ATG10: variants seen among roughly 807,000 people sequenced by gnomAD.
ATG10 encodes the protein ubiquitin-like-conjugating enzyme ATG10.
ATG10 carries 30 observed loss-of-function variants against 32.1 expected under a neutral mutation model. The ratio of observed to expected loss-of-function variants is 0.94; its 90% CI spans 0.70 to 1.27. The LOEUF (loss-of-function observed/expected upper bound fraction) is 1.27, where lower values mean the gene tolerates loss of function less well. Ranked by LOEUF, ATG10 falls within the 50% of genes most tolerant of loss-of-function variation. The probability of loss-of-function intolerance (pLI) is 0.00; values close to 1 mark genes in which losing one functional copy is unlikely to be tolerated. For synonymous variants in ATG10, 87 were observed against 91.5 expected (o/e 0.95, Z 0.28); for missense variants, 233 against 262.3 (o/e 0.89, Z 0.77).
intron 2 of ATG10, among the ~76,000 whole-genome samples, chr5:82,048,313 T>C (rs1288602767): frequency 2.8e-5 from 4 of 144,112 alleles, no homozygotes; most frequent in Non-Finnish European, 4.5e-5. Context: ...TTGGGCAGTA[T>C]GGCCATTTTC....
intron 5 of ATG10, among the ~76,000 whole-genome samples, chr5:82,190,833 C>T (rs945886490): frequency 2.1e-5 from 3 of 143,796 alleles, no homozygotes; most frequent in African/African-American, 7.7e-5. Flanking sequence ...AAGGTAAGGT[C>T]GTAATTGTTT....
intron 3 of ATG10, among the ~76,000 whole-genome samples, chr5:82,158,753 C>CA (rs1354818361): frequency 6.6e-6 from 1 of 151,982 alleles, no homozygotes; most frequent in Non-Finnish European, 1.5e-5. Context: ...TTAACTAACT[C>CA]AAAGTGTTAC....
chr5:82,189,453 T>C (rs561185339), intron 5 of ATG10, among the ~76,000 whole-genome samples: 15 of 152,234 alleles, frequency 9.9e-5, no homozygotes, highest in African/African-American at 3.6e-4. Context: ...TTAAACCAAT[T>C]CCAAGAGATG....
chr5:82,068,599 G>C (rs1245475945), intron 3 of ATG10, among the ~76,000 whole-genome samples: 1 of 150,090 alleles, frequency 6.7e-6, no homozygotes, highest in Non-Finnish European at 1.5e-5. Context: ...ATAGATTGTT[G>C]GGGGTTTCAA....
chr5:82,173,443 A>G lies in ATG10; in HGVS notation c.356-5047A>G, dbSNP rs553276782. Among the ~76,000 whole-genome samples, 3 of 152,314 alleles carry G rather than the reference A, an allele frequency of 2.0e-5. No individual in the cohort carries two copies. In the South Asian group the frequency reaches 6.2e-4, roughly 32 times the overall value. The stretch of plus-strand genomic sequence containing the variant: ...TTTTTAATTATTCTATTTTTCACCT[A>G]ATGTCTCTTCTTCTTTTGTCATTGA... On this transcript the variant is annotated intron_variant, in intron 4 of 7. Transcript: ENST00000282185.
chr5:82,105,825 CA>C (rs1765431203), intron 3 of ATG10, among the ~76,000 whole-genome samples: 1 of 152,160 alleles, frequency 6.6e-6, no homozygotes, highest in African/African-American at 2.4e-5. Context: ...TAGCTTACTG[CA>C]GTGGCTAAAC....
At chr5:82,114,125 A>T (rs1765703473) in intron 3 of ATG10, among the ~76,000 whole-genome samples, 1 of 151,998 alleles carries the variant, frequency 6.6e-6, no homozygotes, top group Non-Finnish European at 1.5e-5. Flanking sequence ...CAAAGGCTTT[A>T]TGTTGCTTAG....
At chr5:82,201,807 CTTTCA>C (rs1745080589) in intron 5 of ATG10, among the ~76,000 whole-genome samples, 1 of 152,096 alleles carries the variant, frequency 6.6e-6, no homozygotes, top group African/African-American at 2.4e-5. Flanking sequence ...TCTGTGCTTT[CTTTCA>C]TTAGTATGTT....
intron 3 of ATG10, among the ~76,000 whole-genome samples, chr5:82,113,732 ATTTG>A (rs773626442): frequency 4.9e-4 from 75 of 151,980 alleles, no homozygotes; most frequent in Non-Finnish European, 7.5e-4. Context: ...TTTGACTTGT[ATTTG>A]TTTGATTATC....
intron 2 of ATG10, among the ~76,000 whole-genome samples, chr5:82,055,809 T>C (rs1175685511): frequency 6.6e-6 from 1 of 152,204 alleles, no homozygotes; most frequent in Non-Finnish European, 1.5e-5. Flanking sequence ...TCCCATGAGA[T>C]TATAATACTG....
At chr5:82,042,221 T>G (rs1157281728) in intron 2 of ATG10, among the ~76,000 whole-genome samples, 1 of 152,120 alleles carries the variant, frequency 6.6e-6, no homozygotes, top group Admixed American at 6.6e-5. Context: ...GGGGGAAGCA[T>G]GCACATCTTC....
At chr5:82,114,271 TC>T (rs1464063664) in intron 3 of ATG10, among the ~76,000 whole-genome samples, 1 of 152,020 alleles carries the variant, frequency 6.6e-6, no homozygotes, top group Non-Finnish European at 1.5e-5. Flanking sequence ...ACAAGAAGTG[TC>T]CTCCCACATT....
chr5:82,177,802 T>C (rs745675173), intron 4 of ATG10, among the ~76,000 whole-genome samples: 5 of 152,090 alleles, frequency 3.3e-5, no homozygotes, highest in Non-Finnish European at 7.4e-5. Flanking sequence ...ACTGCCCTCT[T>C]CATGCCAACC....
At chr5:82,253,597 G>T (rs1291633532) in intron 7 of ATG10, among the ~76,000 whole-genome samples, 168 bp downstream of exon 7, 1 of 152,148 alleles carries the variant, frequency 6.6e-6, no homozygotes, top group Non-Finnish European at 1.5e-5. Flanking sequence ...TTAGGACAGG[G>T]ATCCCCAAAT....
intron 3 of ATG10, among the ~76,000 whole-genome samples, chr5:82,124,817 T>G (rs1371459650): frequency 1.3e-5 from 2 of 152,140 alleles, no homozygotes; most frequent in African/African-American, 2.4e-5. Flanking sequence ...GTAATGGGAT[T>G]GCTGGGTCAA....
chr5:82,175,353 C>A lies in ATG10; in HGVS notation c.356-3137C>A, dbSNP rs558587708. ...TAAAGATGGAGTCTCACTTTGTTGCCCAGGCTGGTCTCAAACTCCTGGCTT... is the reference window on the plus strand; with the variant it reads ...TAAAGATGGAGTCTCACTTTGTTGCACAGGCTGGTCTCAAACTCCTGGCTT... On this transcript the variant is annotated intron_variant, in intron 4 of 7. Transcript: ENST00000282185. Among the ~76,000 whole-genome samples, 3 of 152,246 alleles carry A rather than the reference C, an allele frequency of 2.0e-5. No homozygotes were observed. The East Asian group carries it at 5.8e-4, about 29-fold the overall frequency.
intron 2 of ATG10, among the ~76,000 whole-genome samples, chr5:82,026,066 C>A (rs541301836): frequency 5.3e-5 from 8 of 152,156 alleles, no homozygotes; most frequent in African/African-American, 1.4e-4. Flanking sequence ...TGCTATGTAA[C>A]CATCAGCACC....
In ATG10 at chr5:82,074,299, C is replaced by T. The variant is rs529923708; in HGVS notation, c.216+15697C>T. ...ATTGTAAGACTTAGAAAAACGTAAA[C>T]GCCATCTCACAATGTGAAAACTTGG... On this transcript the variant is annotated intron_variant, in intron 3 of 7. Transcript: ENST00000282185. 1.2e-4 allele frequency among the ~76,000 whole-genome samples: 18 copies of T among 152,200 alleles called. No homozygotes were observed. In the East Asian group the frequency reaches 2.1e-3, roughly 18 times the overall value.
intron 3 of ATG10, among the ~76,000 whole-genome samples, chr5:82,089,171 C>T (rs1445705966): frequency 2.0e-5 from 3 of 151,920 alleles, no homozygotes; most frequent in African/African-American, 2.4e-5. Flanking sequence ...GGAGAAACCC[C>T]GTCTCTACTA....
Sources: gnomAD v4.1 joint callset for allele counts (sites outside exome capture counted in the v4.1 genomes callset) on GRCh38, gnomAD v4.1.1 for gene constraint, MANE v1.5 for transcripts, NCBI Gene and HGNC (gene_info 2026-07-23, HGNC 2026-07-21) for gene names.